Variants in RAP1GAP2 observed in about 807,000 individuals in gnomAD.
The protein encoded by RAP1GAP2 is rap1 GTPase-activating protein 2.
A neutral mutation model predicts 95.0 loss-of-function variants in RAP1GAP2; 27 were observed. That is an observed-to-expected ratio of 0.28 (90% confidence interval 0.21 to 0.39). The LOEUF is 0.39. Ranked by LOEUF, RAP1GAP2 falls within the 10% of genes least tolerant of loss-of-function variation. RAP1GAP2 has a pLI of 1.00. For missense variants in RAP1GAP2, 771 were observed against 970.0 expected (o/e 0.79, Z 2.72); for synonymous variants, 373 against 380.9 (o/e 0.98, Z 0.24).
chr17:2,759,871 C>T lies in RAP1GAP2; in HGVS notation c.50+4104C>T, dbSNP rs567533099. On this transcript the variant is annotated intron_variant, in intron 1 of 25. Transcript: ENST00000637138. ...TTGAGATTATAGATTTGAGCCAGCGCGCCTGGCCCATGGTTGGATATATTC... is the reference window on the plus strand; with the variant it reads ...TTGAGATTATAGATTTGAGCCAGCGTGCCTGGCCCATGGTTGGATATATTC... 1.1e-4 allele frequency among the ~76,000 whole-genome samples: 17 copies of T among 152,256 alleles called. No individual in the cohort carries two copies. In the South Asian group the frequency reaches 2.9e-3, roughly 26 times the overall value.
At chr17:2,940,477 G>A (rs1250153261) in intron 3 of RAP1GAP2, among the ~76,000 whole-genome samples, 1 of 152,220 alleles carries the variant, frequency 6.6e-6, no homozygotes, top group African/African-American at 2.4e-5. Flanking sequence ...AGAGGGGGAG[G>A]GACTCCTCAG....
chr17:2,890,672 T>C (rs2073678429), intron 2 of RAP1GAP2, among the ~76,000 whole-genome samples: 1 of 150,138 alleles, frequency 6.7e-6, no homozygotes, highest in Non-Finnish European at 1.5e-5. Context: ...TCCAATTCAA[T>C]GGTCAGTGTT....
chr17:2,954,644 A>C (rs1003220027), intron 3 of RAP1GAP2, among the ~76,000 whole-genome samples: 1 of 151,858 alleles, frequency 6.6e-6, no homozygotes, highest in African/African-American at 2.4e-5. Context: ...CCCAGGCTGG[A>C]GTGCAATGGT....
intron 8 of RAP1GAP2, 21 bp from the exon 9 acceptor site, chr17:2,980,266 T>C: frequency 2.5e-6 from 4 of 1,612,994 alleles, no homozygotes; most frequent in South Asian, 1.1e-5. Flanking sequence ...GGGATGTCCT[T>C]TTTTCTCCCG....
intron 14 of RAP1GAP2, among the ~76,000 whole-genome samples, chr17:2,998,666 T>C (rs527562195): frequency 1.3e-5 from 2 of 152,090 alleles, no homozygotes; most frequent in East Asian, 3.9e-4. Flanking sequence ...ATTTGGAATT[T>C]GGTGATGCCA....
At position 3,014,906 on chromosome 17, in the gene RAP1GAP2, C is replaced by T. The variant is rs537784155; in HGVS notation, c.1495-3155C>T. ...TTAACTCATTCATGGAACCTGGCTG[C>T]GGCCAGGCTTGGTGGCTCACTTTGG... On this transcript the variant is annotated intron_variant, in intron 17 of 24. Coordinates refer to ENST00000254695, the MANE Select transcript of RAP1GAP2 (RefSeq NM_015085.5). 9.9e-5 allele frequency among the ~76,000 whole-genome samples: 15 copies of T among 152,252 alleles called. No individual in the cohort carries two copies. The South Asian group carries it at 1.9e-3, about 19-fold the overall frequency.
At chr17:2,901,638 A>G (rs1053505982) in intron 2 of RAP1GAP2, among the ~76,000 whole-genome samples, 1 of 152,160 alleles carries the variant, frequency 6.6e-6, no homozygotes, top group Non-Finnish European at 1.5e-5. Context: ...ATCCCTTGAT[A>G]TAATCACATC....
intron 19 of RAP1GAP2, among the ~76,000 whole-genome samples, chr17:3,021,080 A>G (rs2046942339): frequency 6.6e-6 from 1 of 152,178 alleles, no homozygotes; most frequent in Non-Finnish European, 1.5e-5. Context: ...ACTTGTGCAT[A>G]TTTTTGGGGT....
intron 11 of RAP1GAP2, among the ~76,000 whole-genome samples, chr17:2,986,850 T>C (rs2045574378): frequency 6.6e-6 from 1 of 152,194 alleles, no homozygotes; most frequent in South Asian, 2.1e-4. Context: ...CTGCATTGTT[T>C]TTCTAGTGGG....
In RAP1GAP2 at chr17:2,903,781, G is replaced by A. The variant is rs1299823401; in HGVS notation, c.81-1503G>A. Among the ~76,000 whole-genome samples, 1 of 152,232 alleles carries A rather than the reference G, an allele frequency of 6.6e-6. No homozygotes were observed. The highest frequency in any genetic ancestry group is 2.4e-5 in the African/African-American group (1 of 41,466). On this transcript the variant is annotated intron_variant, in intron 2 of 24. Transcript: ENST00000254695. The surrounding 1 kb of genome is among the most constrained non-coding windows in gnomAD (Gnocchi z 4.1). Reference sequence around the variant, plus strand: ...GAGGGCTGGCTGGTCAACTGCAGGGGCAGGCAGGGGTACACATGACCCAGG... The same window carrying A: ...GAGGGCTGGCTGGTCAACTGCAGGGACAGGCAGGGGTACACATGACCCAGG...
chr17:2,970,457 T>C (rs1266146947), intron 8 of RAP1GAP2, among the ~76,000 whole-genome samples: 1 of 152,150 alleles, frequency 6.6e-6, no homozygotes, highest in East Asian at 1.9e-4. Flanking sequence ...TTTTGATAGA[T>C]AACGTTAAAT....
At chr17:2,915,501 C>T (rs2042541654) in intron 3 of RAP1GAP2, among the ~76,000 whole-genome samples, 1 of 152,034 alleles carries the variant, frequency 6.6e-6, no homozygotes. Context: ...TTCCAAAGTG[C>T]TGGTATTACA....
intron 21 of RAP1GAP2, among the ~76,000 whole-genome samples, 200 bp from the exon 22 acceptor site, chr17:3,026,744 G>A (rs1302134782): frequency 1.3e-5 from 2 of 152,198 alleles, no homozygotes; most frequent in African/African-American, 4.8e-5. Flanking sequence ...AGTGGCCAGT[G>A]CCCCAGGGGG....
chr17:2,861,740 T>C (rs1225221481), intron 2 of RAP1GAP2, among the ~76,000 whole-genome samples: 2 of 152,072 alleles, frequency 1.3e-5, no homozygotes, highest in African/African-American at 4.8e-5. Flanking sequence ...CCCAGGTTCA[T>C]GCCATTCTCC....
chr17:2,979,276 G>A (rs528303914), intron 8 of RAP1GAP2, among the ~76,000 whole-genome samples: 1 of 152,084 alleles, frequency 6.6e-6, no homozygotes, highest in African/African-American at 2.4e-5. Flanking sequence ...AGTAAGCCCA[G>A]ATTTTGAAAT....
At position 2,870,702 on chromosome 17, in the gene RAP1GAP2, C is replaced by A. The variant is rs2072809660; in HGVS notation, c.81-34582C>A. On this transcript the variant is annotated intron_variant, in intron 2 of 24. Coordinates refer to ENST00000254695, the MANE Select transcript of RAP1GAP2 (RefSeq NM_015085.5). The surrounding 1 kb of genome is among the most constrained non-coding windows in gnomAD (Gnocchi z 4.4). Reference sequence around the variant, plus strand: ...TTTAGGTACAGTACATTAGTCAAGACCCTTGGTGGCAAGTGACAGAGGCCC... The same window carrying A: ...TTTAGGTACAGTACATTAGTCAAGAACCTTGGTGGCAAGTGACAGAGGCCC... Among the ~76,000 whole-genome samples the A allele has an allele frequency of 6.6e-6, 1 of 152,164 alleles. No individual in the cohort carries two copies. The highest frequency in any genetic ancestry group is 1.9e-4 in the East Asian group (1 of 5,194).
At position 2,771,646 on chromosome 17, in the gene RAP1GAP2, T is replaced by C. The variant is rs140495763; in HGVS notation, c.167+1201T>C. Among the ~76,000 whole-genome samples the C allele has an allele frequency of 2.2e-4, 33 of 152,028 alleles. No homozygotes were observed. The East Asian group carries it at 6.4e-3, about 30-fold the overall frequency. ...CTGGGATTACAGATGCCCGCCACCA[T>C]ACCTGGCTAATTTTTGTATTTTTAG... On this transcript the variant is annotated intron_variant, in intron 2 of 25. Transcript: ENST00000637138.
At chr17:2,875,369 A>G (rs916644386) in intron 2 of RAP1GAP2, among the ~76,000 whole-genome samples, 5 of 152,098 alleles carry the variant, frequency 3.3e-5, no homozygotes, top group Non-Finnish European at 5.9e-5. Flanking sequence ...ACCCGGCCAC[A>G]AGCAGGTTTG....
Position 2,902,188 on chromosome 17 carries a change from CTG to C in RAP1GAP2, c.81-3090_81-3089del. Reference sequence around the variant, plus strand: ...TGCCTGAGAACACGGGGCATTCTCACTGTGTGTTTCTTCACATTGTTGCCTTC... The same window carrying C: ...TGCCTGAGAACACGGGGCATTCTCACTGTGTTTCTTCACATTGTTGCCTTC... On this transcript the variant is annotated intron_variant, in intron 2 of 24. Coordinates refer to ENST00000254695, the MANE Select transcript of RAP1GAP2 (RefSeq NM_015085.5). This position sits in a 1 kb window ranked among gnomAD's most constrained non-coding sequence, Gnocchi z 4.1. 6.6e-6 allele frequency among the ~76,000 whole-genome samples: 1 copy of C among 152,182 alleles called. No individual in the cohort carries two copies. The highest frequency in any genetic ancestry group is 2.1e-4 in the South Asian group (1 of 4,822).
Sources: gnomAD v4.1 joint callset for allele counts (sites outside exome capture counted in the v4.1 genomes callset) on GRCh38, gnomAD v4.1.1 for gene constraint, Gnocchi (gnomAD v3.1) non-coding constraint, MANE v1.5 for transcripts, NCBI Gene and HGNC (gene_info 2026-07-23, HGNC 2026-07-21) for gene names.